The following PRR16 variants were observed in gnomAD, a reference collection of about 807,000 sequenced individuals.
PRR16 encodes protein Largen.
PRR16 carries 6 observed loss-of-function variants against 18.2 expected under a neutral mutation model. The observed-to-expected ratio is 0.33, with a 90% CI of 0.18 to 0.65. The LOEUF is 0.65. Among genes scored for constraint, PRR16 ranks in the 30% least tolerant of loss-of-function variants. The pLI, the probability that PRR16 is intolerant of heterozygous loss-of-function variation, is 0.74. For missense variants in PRR16, 412 were observed against 376.6 expected, an observed-to-expected ratio of 1.09 and a Z score of -0.78; for synonymous variants, 151 against 147.8, an observed-to-expected ratio of 1.02 and a Z score of -0.16.
chr5:120,668,911 G>A (rs1404184896), intron 1 of PRR16, among the ~76,000 whole-genome samples: 1 of 152,080 alleles, frequency 6.6e-6, no homozygotes, highest in East Asian at 1.9e-4. Flanking sequence ...TTCAACTGAT[G>A]GGAATAACGC....
At chr5:120,544,873 G>A (rs2112689140) in intron 1 of PRR16, among the ~76,000 whole-genome samples, 1 of 152,110 alleles carries the variant, frequency 6.6e-6, no homozygotes, top group East Asian at 1.9e-4. Flanking sequence ...AAATTTAGAT[G>A]GCAGTATTCT....
At chr5:120,475,331 T>G (rs1437322383) in intron 1 of PRR16, among the ~76,000 whole-genome samples, 1 of 152,198 alleles carries the variant, frequency 6.6e-6, no homozygotes, top group African/African-American at 2.4e-5. Flanking sequence ...TTTACTCTTT[T>G]TCATCCTCTA....
chr5:120,794,378 T>G, the PRR16 span, among the ~76,000 whole-genome samples: 1 of 152,152 alleles, frequency 6.6e-6, no homozygotes, highest in Non-Finnish European at 1.5e-5. Context: ...TCCAACAGCA[T>G]GCATTTACTT....
intron 1 of PRR16, among the ~76,000 whole-genome samples, chr5:120,566,284 C>G (rs890042955): frequency 1.3e-5 from 2 of 152,174 alleles, no homozygotes; most frequent in African/African-American, 4.8e-5. Context: ...ACTTCCTTGC[C>G]TCCAGAACTG....
chr5:120,536,776 C>G (rs1206485104), intron 1 of PRR16, among the ~76,000 whole-genome samples: 5 of 152,170 alleles, frequency 3.3e-5, no homozygotes. Flanking sequence ...TGTTTTTAAT[C>G]TGAGCAATTA....
At chr5:120,640,987 T>G (rs972220792) in intron 1 of PRR16, among the ~76,000 whole-genome samples, 1 of 152,098 alleles carries the variant, frequency 6.6e-6, no homozygotes, top group Non-Finnish European at 1.5e-5. Context: ...TTGCCCAAAA[T>G]TTTTAAGAAG....
In PRR16 at chr5:120,579,069, A is replaced by T. The variant is rs556919981; in HGVS notation, c.160-106885A>T. On this transcript the variant is annotated intron_variant, in intron 1 of 1. Transcript: ENST00000407149. The stretch of plus-strand genomic sequence containing the variant: ...GTCTTCTTTTGAGAAGTATCTTTTC[A>T]TATCCTTTGCCCACTTTTTGATGGG... Among the ~76,000 whole-genome samples the T allele has an allele frequency of 3.3e-5, 5 of 152,126 alleles. No individual in the cohort carries two copies. The East Asian group carries it at 9.7e-4, about 29-fold the overall frequency.
chr5:120,775,857 A>T, the PRR16 span, among the ~76,000 whole-genome samples: 1 of 134,594 alleles, frequency 7.4e-6, no homozygotes, highest in East Asian at 2.1e-4. Context: ...CATGTTGTCC[A>T]GGCTGGTCTC....
At chr5:120,572,881 G>A (rs1752951593) in intron 1 of PRR16, among the ~76,000 whole-genome samples, 1 of 152,118 alleles carries the variant, frequency 6.6e-6, no homozygotes. Flanking sequence ...ACTGCAAATT[G>A]AATGTCATTT....
At chr5:120,612,549 C>T (rs916188995) in intron 1 of PRR16, among the ~76,000 whole-genome samples, 6 of 151,606 alleles carry the variant, frequency 4.0e-5, no homozygotes, top group Admixed American at 1.3e-4. Flanking sequence ...GTTTATCAGG[C>T]GCTTCTACTT....
intron 1 of PRR16, among the ~76,000 whole-genome samples, chr5:120,589,764 T>A (rs1191582951): frequency 6.6e-6 from 1 of 152,048 alleles, no homozygotes; most frequent in Non-Finnish European, 1.5e-5. Context: ...AAATTAATTA[T>A]CTCCCACCAG....
chr5:120,695,151 G>A, the PRR16 span, among the ~76,000 whole-genome samples: 36 of 152,044 alleles, frequency 2.4e-4, no homozygotes, highest in Non-Finnish European at 2.4e-4. Flanking sequence ...CACCCTTTAT[G>A]ACAAAAATCG....
At chr5:120,485,427 A>G (rs1422637287) in intron 1 of PRR16, among the ~76,000 whole-genome samples, 1 of 152,176 alleles carries the variant, frequency 6.6e-6, no homozygotes, top group East Asian at 1.9e-4. Context: ...TCTTAGACGC[A>G]TTTTGGTTAA....
At chr5:120,559,572 C>G (rs1001939562) in intron 1 of PRR16, among the ~76,000 whole-genome samples, 2 of 151,660 alleles carry the variant, frequency 1.3e-5, no homozygotes, top group African/African-American at 4.8e-5. Context: ...GTGGTATAAT[C>G]AGAAATAAGG....
At chr5:120,583,145 T>G (rs1580751351) in intron 1 of PRR16, among the ~76,000 whole-genome samples, 1 of 152,268 alleles carries the variant, frequency 6.6e-6, no homozygotes, top group Non-Finnish European at 1.5e-5. Flanking sequence ...CAAGCTAAAG[T>G]CATTTTGTCC....
Position 120,686,832 on chromosome 5 carries a change from G to GCATAAAAAT in PRR16, c.*126_*134dup. ...TATTAATCCTGCATTCAGCAAAGTGGCATAAAAATCACCTGGTAAGTATGC... is the reference window on the plus strand; with the variant it reads ...TATTAATCCTGCATTCAGCAAAGTGGCATAAAAATCATAAAAATCACCTGGTAAGTATGC... On this transcript the variant is annotated 3_prime_UTR_variant, in exon 2 of 2. Transcript: ENST00000407149. 1 of 783,596 alleles carries GCATAAAAAT rather than the reference G, an allele frequency of 1.3e-6. No homozygotes were observed. Among genetic ancestry groups the GCATAAAAAT allele is most frequent in the Non-Finnish European group, 1.8e-6 (1 of 553,938 alleles). 48.5% of individuals were successfully genotyped at this position (783,596 alleles called of 1,614,324 possible). A position where few individuals can be genotyped will look rare whatever the true frequency, so the allele number is the denominator to read the frequency against.
At chr5:120,575,906 G>A (rs1456538923) in intron 1 of PRR16, among the ~76,000 whole-genome samples, 1 of 152,120 alleles carries the variant, frequency 6.6e-6, no homozygotes, top group South Asian at 2.1e-4. Flanking sequence ...TTAAGCAAAG[G>A]TGCCAGGTAC....
intron 1 of PRR16, among the ~76,000 whole-genome samples, chr5:120,678,422 A>G (rs1425793233): frequency 6.6e-6 from 1 of 152,212 alleles, no homozygotes; most frequent in African/African-American, 2.4e-5. Flanking sequence ...CATAGTATCT[A>G]CATTTATTCA....
rs185842751 is a variant in PRR16 at position 120,622,723 on chromosome 5, C to T, written c.160-63231C>T. Among the ~76,000 whole-genome samples the T allele has an allele frequency of 1.9e-4, 29 of 152,102 alleles. No homozygotes were observed. In the East Asian group the frequency reaches 2.3e-3, roughly 12 times the overall value. On this transcript the variant is annotated intron_variant, in intron 1 of 1. Transcript: ENST00000407149. ...CGATCTCCTGACCTTATGATCCACC[C>T]GCCTCAGCCTCCCAAAGTTCTGGGA... is the stretch of plus-strand genomic sequence containing the variant.
Sources: gnomAD v4.1 joint callset for allele counts (sites outside exome capture counted in the v4.1 genomes callset) on GRCh38, gnomAD v4.1.1 for gene constraint, MANE v1.5 for transcripts, NCBI Gene and HGNC (gene_info 2026-07-23, HGNC 2026-07-21) for gene names.